Variants in ZNF774 observed in about 807,000 individuals in gnomAD.
ZNF774 encodes the protein zinc finger protein 774.
Under a neutral mutation model 11.1 loss-of-function variants are expected in ZNF774, and 14 were observed. The ratio of observed to expected loss-of-function variants is 1.26; its 90% CI spans 0.83 to 1.97. The LOEUF is 1.97. Ranked by LOEUF, ZNF774 falls within the 30% of genes most tolerant of loss-of-function variation. ZNF774 has a pLI of 0.00. For synonymous variants in ZNF774, 195 were observed against 212.6 expected (o/e 0.92, Z 0.72); for missense variants, 599 against 587.0 (o/e 1.02, Z -0.21).
chr15:90,358,915 C>A lies in ZNF774; in HGVS notation c.169C>A (p.Gln57Lys). 1 of 1,613,806 alleles carries A rather than the reference C, an allele frequency of 6.2e-7. No individual in the cohort carries two copies. Among genetic ancestry groups the A allele is most frequent in the Non-Finnish European group, 8.5e-7 (1 of 1,179,850 alleles). ...QKEEPWVLPL[Q>K]NFEARKIPRE... ...AGAAGAGCCATGGGTCCTACCACTC[C>A]AAAACTTTGAGGCGAGGAAGATCCC... is the stretch of plus-strand genomic sequence containing the variant. Residue 57 changes from glutamine to lysine, a missense_variant, in exon 3 of 4, where the codon CAA (glutamine) becomes AAA (lysine). By Grantham distance (53) the Gln-to-Lys change is moderately conservative. Transcript: ENST00000354377.
chr15:90,354,898 G>C (rs1373430246), intron 2 of ZNF774, 134 bp downstream of exon 2: 1 of 745,704 alleles, frequency 1.3e-6, no homozygotes, highest in Non-Finnish European at 2.3e-6. Flanking sequence ...GGGCTCAAGC[G>C]ATTCTCCCAC....
Position 90,361,372 on chromosome 15 carries a change from G to T in ZNF774, c.*89G>T. 1.3e-6 allele frequency: 2 copies of T among 1,502,922 alleles called. No individual in the cohort carries two copies. The highest frequency in any genetic ancestry group is 1.8e-6 in the Non-Finnish European group (2 of 1,134,936). 93.1% of individuals were successfully genotyped at this position (1,502,922 alleles called of 1,614,324 possible). ...CCAAATAGAGAAAACCTGGGCGTCA[G>T]TGGCTCAATTTGGGCCCTGATCTAT... On this transcript the variant is annotated 3_prime_UTR_variant, in exon 4 of 4. Transcript: ENST00000354377.
In ZNF774 at chr15:90,360,797, G is replaced by C; in HGVS notation, c.966G>C (p.Pro322=). The C allele has an allele frequency of 6.2e-7, 1 of 1,614,072 alleles. No individual in the cohort carries two copies. Among genetic ancestry groups the C allele is most frequent in the Non-Finnish European group, 8.5e-7 (1 of 1,179,998 alleles). ...CGGGAGAACGGCCCTTCAAATGCCC[G>C]GAGTGCGGGAAGGGCTTCAGAGATA... ...THTGERPFKC[P]ECGKGFRDSS... is the part of the protein sequence containing the mutation. Residue 322 remains proline (P), a synonymous_variant, in exon 4 of 4, where the codon CCG becomes CCC. Transcript: ENST00000354377.
At position 90,361,445 on chromosome 15, in the gene ZNF774, G is replaced by T; in HGVS notation, c.*162G>T. 1 of 1,427,556 alleles carries T rather than the reference G, an allele frequency of 7.0e-7. No individual in the cohort carries two copies. Among genetic ancestry groups the T allele is most frequent in the Non-Finnish European group, 9.1e-7 (1 of 1,095,804 alleles). 88.4% of individuals were successfully genotyped at this position (1,427,556 alleles called of 1,614,324 possible). A position where few individuals can be genotyped will look rare whatever the true frequency, so the allele number is the denominator to read the frequency against. On this transcript the variant is annotated 3_prime_UTR_variant, in exon 4 of 4. Coordinates refer to ENST00000354377, the MANE Select transcript of ZNF774 (RefSeq NM_001004309.3). ...TATAACAGAGAGGATAAACTTAAAG[G>T]GTCCAAATAACGGTCCGAATACAAA...
At chr15:90,353,340 G>A (rs1429175558) in intron 1 of ZNF774, among the ~76,000 whole-genome samples, 3 of 152,046 alleles carry the variant, frequency 2.0e-5, no homozygotes, top group African/African-American at 4.8e-5. Flanking sequence ...TTAAACCAGA[G>A]AGATGGTTTT....
In ZNF774 at chr15:90,360,124, A is replaced by G. The variant is rs745311912; in HGVS notation, c.293A>G (p.Asn98Ser). 1.9e-6 allele frequency: 3 copies of G among 1,614,206 alleles called. No homozygotes were observed. The highest frequency in any genetic ancestry group is 1.7e-6 in the Non-Finnish European group (2 of 1,180,032). The stretch of plus-strand genomic sequence containing the variant: ...TGTGGAACATCCTCAGAAAGGACCA[A>G]TAAAGATCTTTCTCATACTCTTAGT... ...EQCGTSSERT[N>S]KDLSHTLSWG... The change falls in exon 4 of 4, where the codon AAT (asparagine) becomes AGT (serine). Residue 98 changes from asparagine to serine, a missense_variant. Physicochemically the swap from Asn to Ser is conservative, Grantham distance 46. Transcript: ENST00000354377.
rs1477464241 is a variant in ZNF774 at position 90,362,742 on chromosome 15, TA to T, written c.*1464del. The T allele has an allele frequency of 8.2e-6, 5 of 606,392 alleles. No homozygotes were observed. Among genetic ancestry groups the T allele is most frequent in the Non-Finnish European group, 8.6e-6 (3 of 348,212 alleles). 37.6% of individuals were successfully genotyped at this position (606,392 alleles called of 1,614,324 possible). On this transcript the variant is annotated 3_prime_UTR_variant, in exon 4 of 4. Coordinates refer to ENST00000354377, the MANE Select transcript of ZNF774 (RefSeq NM_001004309.3). Reference sequence around the variant, plus strand: ...ACCTCACAAGGTTGTTGTGAGGATCTAAAAATACACACACACACACACACAC... The same window carrying T: ...ACCTCACAAGGTTGTTGTGAGGATCTAAAATACACACACACACACACACAC...
chr15:90,358,852 A>G lies in ZNF774; in HGVS notation c.106A>G (p.Ile36Val). Residue 36 changes from isoleucine (I) to valine (V), a missense_variant and splice_region_variant, in exon 3 of 4, where the codon ATT (isoleucine) becomes GTT (valine). Coordinates refer to ENST00000354377, the MANE Select transcript of ZNF774 (RefSeq NM_001004309.3). Reference protein sequence around the residue: ...AQLEEWALKGISRPSVISQPE... With the variant: ...AQLEEWALKGVSRPSVISQPE... ...TCCTATGTTTACATTCCTGTGTAGA[A>G]TTTCCAGGCCTAGTGTAATCTCCCA... 5 of 1,612,270 alleles carry G rather than the reference A, an allele frequency of 3.1e-6. No homozygotes were observed. Among genetic ancestry groups the G allele is most frequent in the Non-Finnish European group, 4.2e-6 (5 of 1,178,864 alleles).
rs1262782693 is a variant in ZNF774 at position 90,362,498 on chromosome 15, C to T, written c.*1215C>T. The T allele has an allele frequency of 1.3e-6, 2 of 1,515,774 alleles. No homozygotes were observed. The highest frequency in any genetic ancestry group is 8.9e-7 in the Non-Finnish European group (1 of 1,128,610). 93.9% of individuals were successfully genotyped at this position (1,515,774 alleles called of 1,614,324 possible). ...ACTCTTGTTTTCTAATTTGCTGGGT[C>T]ATTGGCCATTTAGTTTTAGGTTAAT... On this transcript the variant is annotated 3_prime_UTR_variant, in exon 4 of 4. Coordinates refer to ENST00000354377, the MANE Select transcript of ZNF774 (RefSeq NM_001004309.3).
chr15:90,356,106 G>A (rs1346426234), intron 2 of ZNF774, among the ~76,000 whole-genome samples: 1 of 144,824 alleles, frequency 6.9e-6, no homozygotes, highest in Non-Finnish European at 1.5e-5. Flanking sequence ...CCTTCCTCCT[G>A]CTTTACTTCT....
At chr15:90,354,240 T>C (rs569304997) in intron 1 of ZNF774, among the ~76,000 whole-genome samples, 23 of 152,322 alleles carry the variant, frequency 1.5e-4, no homozygotes, top group African/African-American at 5.1e-4. Context: ...AATATGAGTA[T>C]AGTTAAGGCC....
At chr15:90,353,876 G>A (rs1964208066) in intron 1 of ZNF774, among the ~76,000 whole-genome samples, 1 of 152,058 alleles carries the variant, frequency 6.6e-6, no homozygotes, top group Non-Finnish European at 1.5e-5. Context: ...TCCTATGCCT[G>A]GCAACATATT....
At chr15:90,352,844 G>T (rs539840643) in intron 1 of ZNF774, among the ~76,000 whole-genome samples, 1 of 152,136 alleles carries the variant, frequency 6.6e-6, no homozygotes, top group African/African-American at 2.4e-5. Flanking sequence ...GGAAAGGGAC[G>T]GGCTGGGAAA....
chr15:90,355,734 A>AC (rs1021904641), intron 2 of ZNF774, among the ~76,000 whole-genome samples: 1 of 144,786 alleles, frequency 6.9e-6, no homozygotes, highest in African/African-American at 2.6e-5. Context: ...AAAAAAAAAA[A>AC]AAAAAAAAAA....
chr15:90,360,258 C>CTCTTGTTTAAA lies in ZNF774; in HGVS notation c.428_429insCTTGTTTAAAT (p.Asp144LeufsTer8), dbSNP rs1437559439. 3 of 1,614,052 alleles carry CTCTTGTTTAAA rather than the reference C, an allele frequency of 1.9e-6. No individual in the cohort carries two copies. The highest frequency in any genetic ancestry group is 2.5e-6 in the Non-Finnish European group (3 of 1,180,034). Reference sequence around the variant, plus strand: ...ACAGGAGAGGGATTTAAACAAGCTCCTGGATGGATATGTAGGAGAGAAGCC... The same window carrying CTCTTGTTTAAA: ...ACAGGAGAGGGATTTAAACAAGCTCCTCTTGTTTAAATGGATGGATATGTAGGAGAGAAGCC... On this transcript the variant is annotated frameshift_variant, in exon 4 of 4. Coordinates refer to ENST00000354377, the MANE Select transcript of ZNF774 (RefSeq NM_001004309.3). LOFTEE classifies it low-confidence loss of function (END_TRUNC).
At chr15:90,358,805 G>A (rs1306501307) in intron 2 of ZNF774, 46 bp from the exon 3 acceptor site, 6 of 1,554,732 alleles carry the variant, frequency 3.9e-6, no homozygotes, top group South Asian at 3.4e-5. Context: ...CTCAGGCCTT[G>A]TGTGATTGGC....
Position 90,361,494 on chromosome 15 carries a change from G to A in ZNF774, c.*211G>A. 7.5e-7 allele frequency: 1 copy of A among 1,331,926 alleles called. No homozygotes were observed. The highest frequency in any genetic ancestry group is 9.6e-7 in the Non-Finnish European group (1 of 1,043,276). 82.5% of individuals were successfully genotyped at this position (1,331,926 alleles called of 1,614,324 possible). A position where few individuals can be genotyped will look rare whatever the true frequency, so the allele number is the denominator to read the frequency against. On this transcript the variant is annotated 3_prime_UTR_variant, in exon 4 of 4. Coordinates refer to ENST00000354377, the MANE Select transcript of ZNF774 (RefSeq NM_001004309.3). ...AAAGGCATTCCTTCAGTGTGTGACT[G>A]ACTCTTAGGGAAATGTGAGTTTAAT... is the stretch of plus-strand genomic sequence containing the variant.
intron 2 of ZNF774, 62 bp downstream of exon 2, chr15:90,354,826 G>C: frequency 7.3e-7 from 1 of 1,363,862 alleles, no homozygotes; most frequent in East Asian, 2.5e-5. Flanking sequence ...ACGGGGTCTC[G>C]CTCTGTCATC....
At chr15:90,357,418 C>A (rs965724360) in intron 2 of ZNF774, among the ~76,000 whole-genome samples, 1 of 152,064 alleles carries the variant, frequency 6.6e-6, no homozygotes, top group Non-Finnish European at 1.5e-5. Context: ...GTGAGAGAAT[C>A]GCTTGAGCCA....
Sources: gnomAD v4.1 joint callset for allele counts (sites outside exome capture counted in the v4.1 genomes callset) on GRCh38, gnomAD v4.1.1 for gene constraint, MANE v1.5 for transcripts, NCBI Gene and HGNC (gene_info 2026-07-23, HGNC 2026-07-21) for gene names.